The following FREM1 variants were observed in gnomAD, a reference collection of about 807,000 sequenced individuals.
FREM1 encodes the protein FRAS1-related extracellular matrix protein 1.
In FREM1, 220 loss-of-function variants were observed where a neutral mutation model predicts 210.1. That is an observed-to-expected ratio of 1.05 (90% CI 0.94 to 1.17). The LOEUF (loss-of-function observed/expected upper bound fraction) is 1.17. Ranked by LOEUF, FREM1 falls within the 50% of genes most tolerant of loss-of-function variation. The probability of loss-of-function intolerance (pLI) is 0.00; values close to 1 mark genes in which losing one functional copy is unlikely to be tolerated. For missense variants in FREM1, 3,454 were observed against 2,675.5 expected (o/e 1.29, Z -6.42); for synonymous variants, 1,189 against 980.2 (o/e 1.21, Z -3.98).
At position 14,807,282 on chromosome 9, in the gene FREM1, G is replaced by A. The variant is rs531464117; in HGVS notation, c.3089-436C>T. On this transcript the variant is annotated intron_variant, in intron 17 of 36. Transcript: ENST00000380880. The stretch of plus-strand genomic sequence containing the variant: ...AGTTGGTACCTCTGTTTGTCAGAGC[G>A]TTAATTGCCTGAGAGCTATTATGAA... Among the ~76,000 whole-genome samples the A allele has an allele frequency of 9.2e-5, 14 of 152,296 alleles. No homozygotes were observed. In the East Asian group the frequency reaches 1.2e-3, roughly 13 times the overall value.
chr9:14,823,790 C>A (rs1381241453), intron 12 of FREM1, among the ~76,000 whole-genome samples: 1 of 152,108 alleles, frequency 6.6e-6, no homozygotes, highest in Non-Finnish European at 1.5e-5. Context: ...CAAAACAATA[C>A]AAAAGTCTGT....
chr9:14,842,824 CT>C (rs1379825547), intron 8 of FREM1, among the ~76,000 whole-genome samples, 164 bp from the exon 9 acceptor site: 1 of 152,186 alleles, frequency 6.6e-6, no homozygotes, highest in East Asian at 1.9e-4. Context: ...GAGAACATAT[CT>C]AGTTTTGAAT....
At chr9:14,863,708 A>G (rs1346397768) in intron 3 of FREM1, 101 bp downstream of exon 3, 20 of 677,496 alleles carry the variant, frequency 3.0e-5, no homozygotes, top group Non-Finnish European at 4.7e-5. Flanking sequence ...TCTGGAATCT[A>G]TTAACTCCCC....
At chr9:14,746,523 G>A in intron 34 of FREM1, 55 bp from the exon 35 acceptor site, 1 of 1,426,520 alleles carries the variant, frequency 7.0e-7, no homozygotes, top group Non-Finnish European at 9.9e-7. Flanking sequence ...TCTGGAGTTG[G>A]TTCAGCATAA....
At chr9:14,826,580 C>A (rs1822497183) in intron 10 of FREM1, among the ~76,000 whole-genome samples, 1 of 152,106 alleles carries the variant, frequency 6.6e-6, no homozygotes, top group Non-Finnish European at 1.5e-5. Flanking sequence ...TGGAATTGTT[C>A]CTGAATTTTA....
chr9:14,862,726 C>A (rs2131705255), intron 3 of FREM1, among the ~76,000 whole-genome samples: 1 of 152,250 alleles, frequency 6.6e-6, no homozygotes, highest in Non-Finnish European at 1.5e-5. Flanking sequence ...ACAAATGGAA[C>A]AATACAATAT....
chr9:14,803,402 C>G (rs1169975198), intron 19 of FREM1, among the ~76,000 whole-genome samples: 2 of 145,450 alleles, frequency 1.4e-5, no homozygotes, highest in Admixed American at 7.0e-5. Context: ...CTCTGTTGCC[C>G]AGGCTACAGT....
chr9:14,811,364 C>T (rs1399943806), intron 16 of FREM1, among the ~76,000 whole-genome samples: 1 of 152,182 alleles, frequency 6.6e-6, no homozygotes, highest in Non-Finnish European at 1.5e-5. Context: ...AGATTCTTCT[C>T]ACCCCTAATT....
At position 14,746,343 on chromosome 9, in the gene FREM1, G is replaced by A. The variant is rs1442670097; in HGVS notation, c.6254+10C>T. The A allele has an allele frequency of 1.9e-6, 3 of 1,582,296 alleles. No homozygotes were observed. Among genetic ancestry groups the A allele is most frequent in the South Asian group, 1.1e-5 (1 of 90,092 alleles). On this transcript the variant is annotated intron_variant, in intron 35 of 36. Transcript: ENST00000380880. ...AAAACACCAATCAAATGTGCAATAG[G>A]GTGCCTTACTGTTCCCTGCAAGCTT...
At chr9:14,781,298 T>C (rs1285179895) in intron 24 of FREM1, among the ~76,000 whole-genome samples, 1 of 152,216 alleles carries the variant, frequency 6.6e-6, no homozygotes, top group Admixed American at 6.5e-5. Context: ...GTTCAGGCAA[T>C]GCTAGCTTTC....
At chr9:14,765,121 T>C (rs553431439) in intron 27 of FREM1, among the ~76,000 whole-genome samples, 84 of 152,344 alleles carry the variant, frequency 5.5e-4, no homozygotes, top group African/African-American at 2.0e-3. Context: ...TATAATCAAG[T>C]AGCATGTGAC....
intron 24 of FREM1, chr9:14,779,401 A>G: frequency 1.6e-6 from 1 of 635,852 alleles, no homozygotes; most frequent in South Asian, 7.0e-5. Flanking sequence ...ATATCAGCAG[A>G]GAAGGAAGAA....
chr9:14,908,114 T>G (rs1445411222), intron 1 of FREM1, among the ~76,000 whole-genome samples: 1 of 152,204 alleles, frequency 6.6e-6, no homozygotes, highest in East Asian at 1.9e-4. Flanking sequence ...TCCAGTTTTC[T>G]TTTTAATATA....
At chr9:14,831,880 G>A (rs1823621585) in intron 10 of FREM1, among the ~76,000 whole-genome samples, 1 of 152,220 alleles carries the variant, frequency 6.6e-6, no homozygotes, top group Admixed American at 6.5e-5. Flanking sequence ...CAAGTCATGT[G>A]CGGCACATTT....
chr9:14,787,254 T>C (rs1850563173), intron 23 of FREM1, among the ~76,000 whole-genome samples: 1 of 149,178 alleles, frequency 6.7e-6, no homozygotes, highest in Non-Finnish European at 1.5e-5. Context: ...AAAAAACTCA[T>C]GTTAAGTAAA....
At chr9:14,772,765 G>C (rs187002744) in intron 25 of FREM1, among the ~76,000 whole-genome samples, 3 of 152,296 alleles carry the variant, frequency 2.0e-5, no homozygotes, top group Admixed American at 1.3e-4. Flanking sequence ...TGGCCAGTAA[G>C]AGAGATGGTT....
In FREM1 at chr9:14,846,425, C is replaced by G. The variant is rs1451313515; in HGVS notation, c.1262-334G>C. On this transcript the variant is annotated intron_variant, in intron 7 of 36. Coordinates refer to ENST00000380880, the MANE Select transcript of FREM1 (RefSeq NM_001379081.2). ...ATCTAATGCATGAGGGGCTTAAAACCTAGATGACAGGTTGATAGATGCAGC... is the reference window on the plus strand; with the variant it reads ...ATCTAATGCATGAGGGGCTTAAAACGTAGATGACAGGTTGATAGATGCAGC... 3.9e-5 allele frequency among the ~76,000 whole-genome samples: 6 copies of G among 152,182 alleles called. No homozygotes were observed. In the East Asian group the frequency reaches 7.7e-4, roughly 20 times the overall value.
rs1188746468 is a variant in FREM1, at chr9:14,857,569, C to T, written c.812G>A (p.Ser271Asn). The change falls in exon 5 of 37, where the codon AGC becomes AAC. Residue 271 changes from serine (S) to asparagine (N), a missense_variant. Physicochemically the swap from Ser to Asn is conservative, Grantham distance 46. Coordinates refer to ENST00000380880, the MANE Select transcript of FREM1 (RefSeq NM_001379081.2). ...AAACTCTACCTTGTACACAATTTTG[C>T]TCCTGGTATCTGTGAGGTCCAGTTG... ...SIQLDLTDTRSKIVYKSESAW... is the reference protein window; with the variant it reads ...SIQLDLTDTRNKIVYKSESAW... The T allele has an allele frequency of 1.9e-6, 3 of 1,613,444 alleles. No individual in the cohort carries two copies. Among genetic ancestry groups the T allele is most frequent in the Non-Finnish European group, 2.5e-6 (3 of 1,179,754 alleles).
At chr9:14,873,972 G>C (rs1275397992) in intron 1 of FREM1, among the ~76,000 whole-genome samples, 1 of 152,146 alleles carries the variant, frequency 6.6e-6, no homozygotes. Context: ...ATGTAGTTGA[G>C]TGGTTTTGAG....
Sources: gnomAD v4.1 joint callset for allele counts (sites outside exome capture counted in the v4.1 genomes callset) on GRCh38, gnomAD v4.1.1 for gene constraint, MANE v1.5 for transcripts, NCBI Gene and HGNC (gene_info 2026-07-23, HGNC 2026-07-21) for gene names.